NFIB: variants seen among roughly 807,000 people sequenced by gnomAD.
NFIB encodes the protein nuclear factor 1 B-type.
NFIB carries 11 observed loss-of-function variants against 61.5 expected under a neutral mutation model. That is an observed-to-expected ratio of 0.18 (90% CI 0.11 to 0.30). NFIB has a LOEUF of 0.30. Among genes scored for constraint, NFIB ranks in the 10% least tolerant of loss-of-function variants. The pLI, the probability that NFIB is intolerant of heterozygous loss-of-function variation, is 1.00. For missense variants in NFIB, 471 were observed against 608.9 expected (o/e 0.77, Z 2.38); for synonymous variants, 260 against 216.5 (o/e 1.20, Z -1.76).
At chr9:14,439,328 C>G in the NFIB span, among the ~76,000 whole-genome samples, 1 of 152,156 alleles carries the variant, frequency 6.6e-6, no homozygotes, top group Non-Finnish European at 1.5e-5. Context: ...AGAGCTCACA[C>G]CACTGCACTC....
At chr9:14,170,445 C>T (rs1215784536) in intron 3 of NFIB, among the ~76,000 whole-genome samples, 2 of 152,092 alleles carry the variant, frequency 1.3e-5, no homozygotes, top group Non-Finnish European at 2.9e-5. Flanking sequence ...AGCTGGGGAC[C>T]AGCCTAGGCA....
intron 1 of NFIB, among the ~76,000 whole-genome samples, chr9:14,379,647 C>T (rs1441211935): frequency 6.6e-6 from 1 of 152,036 alleles, no homozygotes; most frequent in African/African-American, 2.4e-5. Flanking sequence ...GCAGAATTTC[C>T]TTCTTTTTCT....
At chr9:14,221,475 A>T (rs562181698) in intron 2 of NFIB, among the ~76,000 whole-genome samples, 1 of 152,204 alleles carries the variant, frequency 6.6e-6, no homozygotes, top group African/African-American at 2.4e-5. Flanking sequence ...TTACAGTTAG[A>T]AAAACTGAGG....
intron 6 of NFIB, among the ~76,000 whole-genome samples, chr9:14,130,949 C>T (rs1003756827): frequency 2.6e-5 from 4 of 152,128 alleles, no homozygotes; most frequent in Non-Finnish European, 4.4e-5. Flanking sequence ...TATGGCTATG[C>T]ATCAAGATGC....
At chr9:14,247,375 C>T (rs1372600772) in intron 2 of NFIB, among the ~76,000 whole-genome samples, 2 of 152,204 alleles carry the variant, frequency 1.3e-5, no homozygotes, top group African/African-American at 4.8e-5. Flanking sequence ...CATGCGCCAT[C>T]CAATAATGCA....
intron 3 of NFIB, among the ~76,000 whole-genome samples, chr9:14,157,810 T>C (rs1368556739): frequency 6.6e-6 from 1 of 152,178 alleles, no homozygotes; most frequent in Non-Finnish European, 1.5e-5. Flanking sequence ...CATTATACTT[T>C]ATTTTATATA....
chr9:14,513,223 G>T, the NFIB span, among the ~76,000 whole-genome samples: 113,717 of 152,074 alleles, frequency 0.75, 42,840 homozygotes, highest in Non-Finnish European at 0.8. Flanking sequence ...TTTTCTTCTA[G>T]CTCATTAATT....
chr9:14,458,922 C>T, the NFIB span, among the ~76,000 whole-genome samples: 4 of 151,896 alleles, frequency 2.6e-5, no homozygotes, highest in African/African-American at 9.7e-5. Flanking sequence ...GAATCAATAT[C>T]GTGAAAATGG....
chr9:14,421,268 A>G, the NFIB span, among the ~76,000 whole-genome samples: 7 of 152,202 alleles, frequency 4.6e-5, no homozygotes, highest in African/African-American at 1.7e-4. Context: ...CATCTATTTT[A>G]TAAATTCTCA....
chr9:14,460,074 T>C, the NFIB span, among the ~76,000 whole-genome samples: 44 of 152,118 alleles, frequency 2.9e-4, no homozygotes, highest in Admixed American at 8.5e-4. Context: ...CACACGTATG[T>C]TTATTGCAGC....
intron 2 of NFIB, among the ~76,000 whole-genome samples, chr9:14,185,280 C>A (rs1266412821): frequency 2.0e-5 from 3 of 152,182 alleles, no homozygotes; most frequent in African/African-American, 7.2e-5. Flanking sequence ...TGATTTCCCA[C>A]CTTTCTAAGA....
chr9:14,193,312 C>A (rs1045392565), intron 2 of NFIB, among the ~76,000 whole-genome samples: 4 of 151,988 alleles, frequency 2.6e-5, no homozygotes, highest in African/African-American at 9.7e-5. Flanking sequence ...TGACTGTATG[C>A]TCCTTGACTG....
intron 3 of NFIB, among the ~76,000 whole-genome samples, chr9:14,171,290 C>T (rs2045538193): frequency 6.6e-6 from 1 of 152,208 alleles, no homozygotes; most frequent in Non-Finnish European, 1.5e-5. Context: ...AATGCTCTTT[C>T]CTCGGCTAGG....
chr9:14,345,780 A>G (rs2061010180), intron 1 of NFIB, among the ~76,000 whole-genome samples: 1 of 152,086 alleles, frequency 6.6e-6, no homozygotes, highest in Admixed American at 6.6e-5. Flanking sequence ...GGCGGCTTAC[A>G]CCCATAACTT....
the NFIB span, among the ~76,000 whole-genome samples, chr9:14,452,690 G>A: frequency 6.6e-6 from 1 of 152,178 alleles, no homozygotes; most frequent in South Asian, 2.1e-4. Context: ...TCCTGAAGAG[G>A]AGTCCCAACT....
the NFIB span, among the ~76,000 whole-genome samples, chr9:14,485,731 C>A: frequency 1.3e-5 from 2 of 151,998 alleles, no homozygotes; most frequent in Admixed American, 6.5e-5. Flanking sequence ...AAAAGTTAGT[C>A]GGGTGTTGTG....
intron 10 of NFIB, among the ~76,000 whole-genome samples, chr9:14,111,300 G>A (rs544779007): frequency 6.6e-6 from 1 of 152,136 alleles, no homozygotes; most frequent in South Asian, 2.1e-4. Flanking sequence ...ATGAGGCTTC[G>A]ACATTTATCA....
intron 4 of NFIB, 118 bp downstream of exon 4, chr9:14,155,707 G>C (rs546905385): frequency 3.9e-6 from 2 of 515,556 alleles, no homozygotes; most frequent in Non-Finnish European, 6.6e-6. Context: ...AAGGTTTTAA[G>C]ATTTTAATTC....
the NFIB span, among the ~76,000 whole-genome samples, chr9:14,445,725 A>T: frequency 2.6e-5 from 4 of 152,306 alleles, no homozygotes; most frequent in East Asian, 7.7e-4. Context: ...GTTTGGTTTT[A>T]TGAAATTTTG....
Sources: allele counts gnomAD v4.1 joint callset (sites outside exome capture counted in the v4.1 genomes callset), GRCh38; gene constraint gnomAD v4.1.1; transcripts MANE v1.5; gene names NCBI Gene and HGNC (gene_info 2026-07-23, HGNC 2026-07-21).